Variants in SLK observed in about 807,000 individuals in gnomAD.
SLK encodes the protein STE20-like serine/threonine-protein kinase.
Under a neutral mutation model 147.7 loss-of-function variants are expected in SLK, and 67 were observed. That is an observed-to-expected ratio of 0.45 (90% confidence interval 0.37 to 0.56). SLK has a LOEUF of 0.56. Among genes scored for constraint, SLK ranks in the 20% least tolerant of loss-of-function variants. SLK has a pLI of 0.00. For missense variants in SLK, 1,136 were observed against 1,438.8 expected, an observed-to-expected ratio of 0.79 and a Z score of 3.41; for synonymous variants, 441 against 475.0, an observed-to-expected ratio of 0.93 and a Z score of 0.93.
Position 104,002,334 on chromosome 10 carries a change from A to G in SLK, c.1156A>G (p.Thr386Ala), listed in dbSNP as rs1183262878. 1.2e-6 allele frequency: 2 copies of G among 1,613,606 alleles called. No individual in the cohort carries two copies. The highest frequency in any genetic ancestry group is 1.1e-5 in the South Asian group (1 of 91,056). Residue 386 changes from threonine (T) to alanine (A), a missense_variant, in exon 9 of 19, where the codon ACC becomes GCC. Transcript: ENST00000369755. ...LNSKILNEKP[T>A]TDEPEKAVED... is the part of the protein sequence containing the mutation. ...CAGCAAAATTCTTAATGAAAAACCC[A>G]CCACTGATGAACCTGAAAAGGCTGT... is the stretch of plus-strand genomic sequence containing the variant.
chr10:104,005,543 A>C lies in SLK; in HGVS notation c.2350-18A>C. The stretch of plus-strand genomic sequence containing the variant: ...GTATTCCTTGTACAAAGCCTAACTA[A>C]AATAAAATCTCACTCAGGAAACAAG... On this transcript the variant is annotated intron_variant, in intron 9 of 18. Coordinates refer to ENST00000369755, the MANE Select transcript of SLK (RefSeq NM_014720.4). 2 of 1,593,286 alleles carry C rather than the reference A, an allele frequency of 1.3e-6. No individual in the cohort carries two copies. The highest frequency in any genetic ancestry group is 1.9e-5 in the Admixed American group (1 of 53,912).
At chr10:103,981,043 CT>C (rs1362033240) in intron 1 of SLK, among the ~76,000 whole-genome samples, 1 of 152,064 alleles carries the variant, frequency 6.6e-6, no homozygotes, top group Non-Finnish European at 1.5e-5. Flanking sequence ...TAAGGTGGTA[CT>C]TATATAGTTT....
chr10:104,012,470 C>T (rs948937184), intron 13 of SLK, among the ~76,000 whole-genome samples: 1 of 152,074 alleles, frequency 6.6e-6, no homozygotes, highest in Non-Finnish European at 1.5e-5. Context: ...GCAGCATTTA[C>T]TATATGTCAG....
intron 1 of SLK, among the ~76,000 whole-genome samples, chr10:103,981,559 A>G (rs774215698): frequency 4.6e-5 from 7 of 152,052 alleles, no homozygotes; most frequent in Non-Finnish European, 1.0e-4. Context: ...TCACTGTTTC[A>G]CATGTGGATA....
At chr10:103,974,119 T>A (rs1301688357) in intron 1 of SLK, among the ~76,000 whole-genome samples, 1 of 152,164 alleles carries the variant, frequency 6.6e-6, no homozygotes, top group African/African-American at 2.4e-5. Flanking sequence ...GGTTGGTCCT[T>A]TCAATCCAAA....
intron 1 of SLK, among the ~76,000 whole-genome samples, chr10:103,972,981 G>A (rs1195187729): frequency 1.3e-5 from 2 of 152,088 alleles, no homozygotes; most frequent in African/African-American, 4.8e-5. Flanking sequence ...GTCTCATTCT[G>A]AGACCTGTCT....
intron 8 of SLK, among the ~76,000 whole-genome samples, 179 bp downstream of exon 8, chr10:104,001,751 G>C (rs879654661): frequency 6.6e-6 from 1 of 151,938 alleles, no homozygotes; most frequent in Non-Finnish European, 1.5e-5. Flanking sequence ...TTTTTGAGAT[G>C]GAGTCTCACT....
chr10:103,999,442 GAA>G, intron 6 of SLK, 129 bp downstream of exon 6: 3 of 683,826 alleles, frequency 4.4e-6, no homozygotes, highest in South Asian at 4.5e-5. Context: ...ATATGAATTA[GAA>G]AAGTGATTTT....
Position 103,967,793 on chromosome 10 carries a change from G to T in SLK, c.48G>T (p.Lys16Asn). The T allele has an allele frequency of 1.9e-6, 3 of 1,614,198 alleles. No individual in the cohort carries two copies. Among genetic ancestry groups the T allele is most frequent in the Non-Finnish European group, 2.5e-6 (3 of 1,180,014 alleles). Residue 16 changes from lysine to asparagine, a missense_variant, in exon 1 of 19, where the codon AAG becomes AAT. Lys to Asn is a moderately conservative substitution (Grantham distance 94, BLOSUM62 0). Transcript: ENST00000369755. ...FRKIFKLGSE[K>N]KKKQYEHVKR... ...AGATCTTCAAGTTGGGGAGCGAGAA[G>T]AAGAAGAAGCAGTACGAACACGTGA...
Position 104,019,792 on chromosome 10 carries a change from A to G in SLK, c.3191A>G (p.Gln1064Arg). The change falls in exon 16 of 19, where the codon CAG becomes CGG. Residue 1064 changes from glutamine (Q) to arginine (R), a missense_variant. Gln to Arg is a conservative substitution (Grantham distance 43). Around this residue, in one of 6 missense-constraint regions of SLK, gnomAD observed 327 missense variants for 457.5 expected, o/e 0.71. Transcript: ENST00000369755. ...QRLIEELKNR[Q>R]TQERARLPKI... ...CTTATTGAGGAATTGAAAAACAGAC[A>G]GACTCAAGAAAGAGCAAGACTGCCC... is the stretch of plus-strand genomic sequence containing the variant. 2.5e-6 allele frequency: 4 copies of G among 1,614,122 alleles called. No homozygotes were observed. Among genetic ancestry groups the G allele is most frequent in the Non-Finnish European group, 3.4e-6 (4 of 1,179,914 alleles).
chr10:103,992,844 C>A (rs1844118843), intron 3 of SLK, 140 bp from the exon 4 acceptor site: 2 of 390,200 alleles, frequency 5.1e-6, no homozygotes, highest in Admixed American at 6.5e-5. Flanking sequence ...AGAATGTGAT[C>A]TTTGTAGATA....
At chr10:103,983,709 A>G (rs1398772977) in intron 1 of SLK, among the ~76,000 whole-genome samples, 1 of 149,772 alleles carries the variant, frequency 6.7e-6, no homozygotes, top group Non-Finnish European at 1.5e-5. Flanking sequence ...TTCTTTCTGT[A>G]GCAGCTGTTG....
intron 13 of SLK, among the ~76,000 whole-genome samples, chr10:104,012,788 G>A (rs1364946699): frequency 6.6e-6 from 1 of 152,212 alleles, no homozygotes; most frequent in Non-Finnish European, 1.5e-5. Flanking sequence ...GTTACCAAGT[G>A]AAGAGGAAGT....
In SLK at chr10:104,027,063, C is replaced by G. The variant is rs866243921; in HGVS notation, c.*1343C>G. The stretch of plus-strand genomic sequence containing the variant: ...TGCTGCCTGCCATTTTCAACCTATT[C>G]TCTCTTAAGAGTGCTAGGTACCAAA... On this transcript the variant is annotated 3_prime_UTR_variant, in exon 19 of 19. Transcript: ENST00000369755. 6.6e-6 allele frequency: 1 copy of G among 152,318 alleles called. No homozygotes were observed. The highest frequency in any genetic ancestry group is 3.4e-3 in the Middle Eastern group (1 of 294). 9.4% of individuals were successfully genotyped at this position (152,318 alleles called of 1,614,324 possible).
intron 11 of SLK, among the ~76,000 whole-genome samples, chr10:104,006,406 G>T (rs1258227682): frequency 6.6e-6 from 1 of 152,162 alleles, no homozygotes; most frequent in Non-Finnish European, 1.5e-5. Context: ...TTTTAAGCCA[G>T]TTTAGAGCAA....
At chr10:104,000,092 T>C (rs1844225827) in intron 7 of SLK, 144 bp downstream of exon 7, 1 of 461,040 alleles carries the variant, frequency 2.2e-6, no homozygotes, top group East Asian at 3.4e-5. Context: ...ACAAAATAAA[T>C]GCTGCTGTTA....
rs1369870383 is a variant in SLK at position 104,007,719 on chromosome 10, G to A, written c.2605-458G>A. ...GCCGAAGCAGGAGGATTGCTTGAGCGCAGAAGTTTAAGACCAGCCTAGGCA... is the reference window on the plus strand; with the variant it reads ...GCCGAAGCAGGAGGATTGCTTGAGCACAGAAGTTTAAGACCAGCCTAGGCA... On this transcript the variant is annotated intron_variant, in intron 11 of 18. Coordinates refer to ENST00000369755, the MANE Select transcript of SLK (RefSeq NM_014720.4). Among the ~76,000 whole-genome samples, 9 of 151,366 alleles carry A rather than the reference G, an allele frequency of 5.9e-5. No individual in the cohort carries two copies. The East Asian group carries it at 1.4e-3, about 23-fold the overall frequency.
chr10:104,005,786 C>G, intron 10 of SLK, 95 bp downstream of exon 10: 1 of 1,487,536 alleles, frequency 6.7e-7, no homozygotes, highest in Non-Finnish European at 9.2e-7. Flanking sequence ...AAATTATTGG[C>G]TAATTTTTTT....
chr10:103,968,631 G>A (rs1358544908), intron 1 of SLK, among the ~76,000 whole-genome samples: 1 of 152,204 alleles, frequency 6.6e-6, no homozygotes, highest in Admixed American at 6.5e-5. Flanking sequence ...TATGAATGAT[G>A]TCATTGGAGT....
Sources: allele counts gnomAD v4.1 joint callset (sites outside exome capture counted in the v4.1 genomes callset), GRCh38; gene constraint gnomAD v4.1.1; regional missense constraint gnomAD v4.1.1; transcripts MANE v1.5; gene names NCBI Gene and HGNC (gene_info 2026-07-23, HGNC 2026-07-21).